Variants in ALG13 observed in about 807,000 individuals in gnomAD.
ALG13 encodes the protein ALG13 UDP-N-acetylglucosaminyltransferase subunit, also known as UDP-N-acetylglucosamine transferase subunit ALG13.
ALG13 carries 11 observed loss-of-function variants against 87.8 expected under a neutral mutation model. The observed-to-expected ratio is 0.13, with a 90% confidence interval of 0.08 to 0.21. The LOEUF (loss-of-function observed/expected upper bound fraction) is 0.21, where lower values mean the gene tolerates loss of function less well. ALG13 is among the 10% of genes least tolerant of loss of function. ALG13 has a pLI of 1.00. For missense variants in ALG13, 756 were observed against 866.1 expected, an observed-to-expected ratio of 0.87 and a Z score of 1.60; for synonymous variants, 320 against 306.3, an observed-to-expected ratio of 1.04 and a Z score of -0.47.
chrX:111,760,166 G>A lies in ALG13; in HGVS notation c.*167G>A. The stretch of plus-strand genomic sequence containing the variant: ...TTTAAAATAGTACTTTAAAATTAAG[G>A]GGTATTATTTTGGGCTGTGACTAAG... On this transcript the variant is annotated 3_prime_UTR_variant, in exon 27 of 27. Transcript: ENST00000394780. The A allele has an allele frequency of 1.7e-6, 1 of 602,011 alleles. No individual in the cohort carries two copies. The highest frequency in any genetic ancestry group is 2.4e-6 in the Non-Finnish European group (1 of 411,032). The allele number at this position is 602,011 out of a possible 1,213,427, so 49.6% of individuals were successfully genotyped here. A position where few individuals can be genotyped will look rare whatever the true frequency, so the allele number is the denominator to read the frequency against.
In ALG13 at chrX:111,727,377, A is replaced by T. The variant is rs1291962279; in HGVS notation, c.2022A>T (p.Lys674Asn). ...ACAGGCACAACATGCCGGGCCCTAA[A>T]GTTGATTTTTACCCAGGCCCAGGTA... The part of the protein sequence containing the change: ...FINRHNMPGP[K>N]VDFYPGPGKR... Residue 674 changes from lysine to asparagine, a missense_variant, in exon 17 of 27, where the codon AAA becomes AAT. Transcript: ENST00000394780. 8.3e-7 allele frequency: 1 copy of T among 1,210,568 alleles called. No individual in the cohort carries two copies. The highest frequency in any genetic ancestry group is 1.1e-6 in the Non-Finnish European group (1 of 894,878).
intron 25 of ALG13, 54 bp downstream of exon 25, chrX:111,752,884 G>T: frequency 8.4e-6 from 8 of 957,672 alleles, no homozygotes; most frequent in Non-Finnish European, 1.2e-5. Context: ...AGTATAGACC[G>T]TTTTGATAAT....
At chrX:111,690,095 T>G in intron 3 of ALG13, 6 of 745,701 alleles carry the variant, frequency 8.0e-6, no homozygotes, top group Non-Finnish European at 9.5e-6. Context: ...AACCACCAGT[T>G]TTACAGATGA....
At position 111,753,766 on chromosome X, in the gene ALG13, A is replaced by G. The variant is rs760509688; in HGVS notation, c.2973+936A>G. 3.5e-3 allele frequency among the ~76,000 whole-genome samples: 395 copies of G among 111,905 alleles called. 14 individuals are homozygous for G. The highest frequency in any genetic ancestry group is 0.015 in the South Asian group (41 of 2,658). The stretch of plus-strand genomic sequence containing the variant: ...GAGTAGACCAATAACAAGTTCTGAA[A>G]TTGAGGCAGTAATTAATAGCCTACC... On this transcript the variant is annotated intron_variant, in intron 25 of 26. Transcript: ENST00000394780.
chrX:111,701,242 A>C (rs1937814049), intron 3 of ALG13, among the ~76,000 whole-genome samples: 1 of 112,085 alleles, frequency 8.9e-6, no homozygotes, highest in South Asian at 3.7e-4. Context: ...GTTTAGAAAT[A>C]TTCCTTCTTT....
chrX:111,681,929 C>T (rs1933459840), intron 1 of ALG13: 2 of 897,156 alleles, frequency 2.2e-6, no homozygotes, highest in Non-Finnish European at 2.8e-6. Flanking sequence ...AGCTGGGTCG[C>T]TTAGATTCAT....
chrX:111,681,542 T>G, intron 1 of ALG13: 1 of 968,963 alleles, frequency 1.0e-6, no homozygotes. Context: ...CTCTCCCTCA[T>G]TTCTTCAGCT....
chrX:111,744,780 T>A lies in ALG13; in HGVS notation c.2808T>A (p.Pro936=), dbSNP rs1402009098. Residue 936 remains proline, a synonymous_variant, in exon 24 of 27, where the codon CCT becomes CCA. Coordinates refer to ENST00000394780, the MANE Select transcript of ALG13 (RefSeq NM_001099922.3). ...CACCACCACCACCACCTCCTCCTCCTCCTCCTCCTCCTCCTCCTCCTCCTC... is the reference window on the plus strand; with the variant it reads ...CACCACCACCACCACCTCCTCCTCCACCTCCTCCTCCTCCTCCTCCTCCTC... ...PPPPPPPPPP[P]PPPPPPPPPA... The A allele has an allele frequency of 9.7e-6, 8 of 823,983 alleles. No individual in the cohort carries two copies. The highest frequency in any genetic ancestry group is 8.2e-5 in the African/African-American group (3 of 36,663). 67.9% of individuals were successfully genotyped at this position (823,983 alleles called of 1,213,427 possible). A position where few individuals can be genotyped will look rare whatever the true frequency, so the allele number is the denominator to read the frequency against.
At chrX:111,757,858 C>G in intron 26 of ALG13, 96 bp downstream of exon 26, 2 of 830,868 alleles carry the variant, frequency 2.4e-6, no homozygotes, top group South Asian at 2.7e-5. Context: ...GGTCCATGTA[C>G]TACACCAGTG....
intron 2 of ALG13, 78 bp downstream of exon 2, chrX:111,682,372 A>G: frequency 1.2e-6 from 1 of 808,330 alleles, no homozygotes; most frequent in South Asian, 3.8e-5. Flanking sequence ...CTGGGGGTAC[A>G]TGTGCAGGAT....
At chrX:111,689,418 G>C (rs1471845428) in intron 3 of ALG13, 1 of 750,909 alleles carries the variant, frequency 1.3e-6, no homozygotes, top group Non-Finnish European at 1.6e-6. Context: ...GAAAGGCAAG[G>C]TCTACTCAAA....
intron 1 of ALG13, chrX:111,681,682 A>G (rs1041401423): frequency 3.5e-6 from 3 of 848,048 alleles, no homozygotes; most frequent in Non-Finnish European, 4.3e-6. Flanking sequence ...CCCCCTGTGG[A>G]CCGCACGTCG....
At chrX:111,683,002 CCTTT>C (rs766951222) in intron 2 of ALG13, among the ~76,000 whole-genome samples, 112 of 109,986 alleles carry the variant, frequency 1.0e-3, no homozygotes, top group Middle Eastern at 4.7e-3. Context: ...TTCGTTTTTT[CCTTT>C]CTTTTTTTTT....
In ALG13 at chrX:111,736,870, G is replaced by A. The variant is rs972892187; in HGVS notation, c.2686G>A (p.Gly896Ser). The A allele has an allele frequency of 1.5e-5, 18 of 1,200,471 alleles. No individual in the cohort carries two copies. The highest frequency in any genetic ancestry group is 5.3e-5 in the African/African-American group (3 of 56,821). Reference protein sequence around the residue: ...QPLFVSPPTHGRPVIASPSYP... With the variant: ...QPLFVSPPTHSRPVIASPSYP... ...TCTCTTTGTATCTCCACCTACACAC[G>A]GCAGGCCAGGTAGGTTATTAGCAGA... is the stretch of plus-strand genomic sequence containing the variant. The change falls in exon 23 of 27, where the codon GGC becomes AGC. Residue 896 changes from glycine (G) to serine (S), a missense_variant. Gly to Ser is a moderately conservative substitution (Grantham distance 56). Around this residue, in one of 9 missense-constraint regions of ALG13, gnomAD observed 362 missense variants for 383.5 expected, o/e 0.94. Transcript: ENST00000394780.
intron 2 of ALG13, among the ~76,000 whole-genome samples, chrX:111,683,876 C>T (rs1934237514): frequency 9.0e-6 from 1 of 111,439 alleles, no homozygotes; most frequent in African/African-American, 3.3e-5. Context: ...TTATTGATGC[C>T]TGTCTGTCTC....
At chrX:111,726,020 T>C (rs1247513141) in intron 15 of ALG13, among the ~76,000 whole-genome samples, 1 of 111,984 alleles carries the variant, frequency 8.9e-6, no homozygotes, top group African/African-American at 3.2e-5. Context: ...CTCGGCTCAC[T>C]GTAAGCTCCA....
intron 23 of ALG13, among the ~76,000 whole-genome samples, 186 bp from the exon 24 acceptor site, chrX:111,744,482 T>C (rs1046099645): frequency 2.7e-5 from 3 of 111,497 alleles, no homozygotes; most frequent in Non-Finnish European, 5.7e-5. Flanking sequence ...TGACCTGTTA[T>C]GAACTAGTTC....
intron 25 of ALG13, among the ~76,000 whole-genome samples, chrX:111,754,463 G>A (rs764136966): frequency 4.5e-5 from 5 of 111,603 alleles, no homozygotes; most frequent in South Asian, 3.8e-4. Flanking sequence ...AAGGGTATAC[G>A]AATAGGAAGA....
intron 25 of ALG13, among the ~76,000 whole-genome samples, chrX:111,754,850 G>C (rs1413827195): frequency 8.9e-6 from 1 of 111,905 alleles, no homozygotes; most frequent in Non-Finnish European, 1.9e-5. Context: ...ACTGCCCAAA[G>C]TAATTTATAG....
Sources: gnomAD v4.1 joint callset for allele counts (sites outside exome capture counted in the v4.1 genomes callset) on GRCh38, gnomAD v4.1.1 for gene constraint, gnomAD v4.1.1 regional missense constraint, MANE v1.5 for transcripts, NCBI Gene and HGNC (gene_info 2026-07-23, HGNC 2026-07-21) for gene names.